PTPN23: variants seen among roughly 807,000 people sequenced by gnomAD.
PTPN23 encodes tyrosine-protein phosphatase non-receptor type 23.
In PTPN23, 72 loss-of-function variants were observed where a neutral mutation model predicts 156.3. The ratio of observed to expected loss-of-function variants is 0.46; its 90% CI spans 0.38 to 0.56. The LOEUF (loss-of-function observed/expected upper bound fraction) is 0.56, where lower values mean the gene tolerates loss of function less well. Ranked by LOEUF, PTPN23 falls within the 20% of genes least tolerant of loss-of-function variation. The pLI, the probability that PTPN23 is intolerant of heterozygous loss-of-function variation, is 0.00. For synonymous variants in PTPN23, 957 were observed against 899.6 expected, an observed-to-expected ratio of 1.06 and a Z score of -1.14; for missense variants, 1,974 against 2,171.5, an observed-to-expected ratio of 0.91 and a Z score of 1.81.
intron 1 of PTPN23, among the ~76,000 whole-genome samples, chr3:47,384,455 CAAA>C (rs56896052): frequency 5.1e-5 from 4 of 78,452 alleles, no homozygotes; most frequent in African/African-American, 2.0e-4. Context: ...GAGACTGTCT[CAAA>C]AAAAAAAAAA....
At chr3:47,390,597 C>T (rs1452643067) in intron 1 of PTPN23, among the ~76,000 whole-genome samples, 1 of 152,176 alleles carries the variant, frequency 6.6e-6, no homozygotes, top group Non-Finnish European at 1.5e-5. Flanking sequence ...AGTCCCAGAC[C>T]ATAGCGAAAT....
intron 1 of PTPN23, among the ~76,000 whole-genome samples, chr3:47,381,857 G>T (rs1164956387): frequency 6.6e-6 from 1 of 152,204 alleles, no homozygotes; most frequent in East Asian, 1.9e-4. Context: ...TTACTGTGTT[G>T]GAAGAACAGA....
Position 47,404,881 on chromosome 3 carries a change from A to G in PTPN23, c.287+102A>G, listed in dbSNP as rs184807039. 3.7e-4 allele frequency: 574 copies of G among 1,572,518 alleles called. 3 individuals carry two copies. In the African/African-American group the frequency reaches 6.7e-3, roughly 18 times the overall value. ...TTCTCCTTGCTGCATAGGATGGGGA[A>G]TGGCCTCATATGGTCCCCCCAGGCC... On this transcript the variant is annotated intron_variant, in intron 3 of 24. Coordinates refer to ENST00000265562, the MANE Select transcript of PTPN23 (RefSeq NM_015466.4).
rs773281554 is a variant in PTPN23, at chr3:47,408,448, G to A, written c.1288G>A (p.Val430Ile). 10 of 1,614,138 alleles carry A rather than the reference G, an allele frequency of 6.2e-6. No homozygotes were observed. The highest frequency in any genetic ancestry group is 1.1e-5 in the South Asian group (1 of 91,074). ...QLMEKCAALS[V>I]RPDTVRNLVQ... ...CATGGAGAAGTGCGCGGCTCTCAGC[G>A]TCCGGCCCGACACTGTCAGGAACCT... Residue 430 changes from valine (V) to isoleucine (I), a missense_variant, in exon 15 of 25, where the codon GTC becomes ATC. This residue lies in a region of PTPN23 where 726 missense variants were observed against 929.5 expected (regional missense o/e 0.78). Transcript: ENST00000265562.
At position 47,410,359 on chromosome 3, in the gene PTPN23, C is replaced by T. The variant is rs1450874837; in HGVS notation, c.2561C>T (p.Ala854Val). ...VSSPYVGVGP[A>V]PPVAGLPSAP... ...AGTCCCTATGTGGGGGTAGGGCCGG[C>T]CCCACCAGTTGCAGGTCTCCCCTCG... The change falls in exon 20 of 25, where the codon GCC becomes GTC. Residue 854 changes from alanine to valine, a missense_variant. Physicochemically the swap from Ala to Val is moderately conservative, Grantham distance 64. Coordinates refer to ENST00000265562, the MANE Select transcript of PTPN23 (RefSeq NM_015466.4). 1 of 1,609,354 alleles carries T rather than the reference C, an allele frequency of 6.2e-7. No homozygotes were observed. Among genetic ancestry groups the T allele is most frequent in the African/African-American group, 1.3e-5 (1 of 74,804 alleles).
chr3:47,405,221 G>A lies in PTPN23; in HGVS notation c.364+140G>A. ...CCGCCCCTCCACTGACCTCCCCACA[G>A]CCCTGCCAGCTCCTCCACTGTTTTC... On this transcript the variant is annotated intron_variant, in intron 4 of 24. Transcript: ENST00000265562. The surrounding 1 kb of genome is among the most constrained non-coding windows in gnomAD (Gnocchi z 4.7). 2.7e-6 allele frequency: 2 copies of A among 737,370 alleles called. No homozygotes were observed. Among genetic ancestry groups the A allele is most frequent in the South Asian group, 1.7e-5 (1 of 60,544 alleles). 45.7% of individuals were successfully genotyped at this position (737,370 alleles called of 1,614,324 possible).
In PTPN23 at chr3:47,411,252, C is replaced by A; in HGVS notation, c.3454C>A (p.Arg1152Ser). 6.2e-7 allele frequency: 1 copy of A among 1,608,728 alleles called. No individual in the cohort carries two copies. Among genetic ancestry groups the A allele is most frequent in the Non-Finnish European group, 8.5e-7 (1 of 1,179,696 alleles). The part of the protein sequence containing the change: ...QPTKVDAAEG[R>S]RPQALRLIER... ...CACCAAGGTGGATGCAGCTGAGGGT[C>A]GTCGGCCGCAGGCCCTGCGGCTGAT... Residue 1152 changes from arginine (R) to serine (S), a missense_variant, in exon 20 of 25, where the codon CGT becomes AGT. Physicochemically the swap from Arg to Ser is moderately radical, Grantham distance 110. Coordinates refer to ENST00000265562, the MANE Select transcript of PTPN23 (RefSeq NM_015466.4). This position sits in a 1 kb window ranked among gnomAD's most constrained non-coding sequence, Gnocchi z 6.3.
At chr3:47,387,335 G>A (rs1048728877) in intron 1 of PTPN23, among the ~76,000 whole-genome samples, 1 of 151,470 alleles carries the variant, frequency 6.6e-6, no homozygotes, top group Non-Finnish European at 1.5e-5. Flanking sequence ...GGGAGGCCAA[G>A]GCAGGAGGAT....
At chr3:47,392,908 A>G (rs1704804041) in intron 1 of PTPN23, among the ~76,000 whole-genome samples, 1 of 152,168 alleles carries the variant, frequency 6.6e-6, no homozygotes, top group South Asian at 2.1e-4. Flanking sequence ...TTTGTTGCCC[A>G]GGCTGGACTT....
At chr3:47,388,827 G>A (rs985084638) in intron 1 of PTPN23, among the ~76,000 whole-genome samples, 1 of 151,958 alleles carries the variant, frequency 6.6e-6, no homozygotes, top group East Asian at 1.9e-4. Flanking sequence ...ATCATGTCCA[G>A]CTAATTTTTG....
rs771208334 is a variant in PTPN23 at position 47,381,131 on chromosome 3, T to A, written c.35T>A (p.Leu12Gln). 6.3e-6 allele frequency: 10 copies of A among 1,591,260 alleles called. No homozygotes were observed. Among genetic ancestry groups the A allele is most frequent in the Admixed American group, 1.8e-5 (1 of 57,002 alleles). ...GTGCCCCGCATGCCCATGATCTGGC[T>A]GGACCTGAAGGAGGCCGGTGACTTT... The part of the protein sequence containing the change: ...EAVPRMPMIW[L>Q]DLKEAGDFHF... Residue 12 changes from leucine to glutamine, a missense_variant, in exon 1 of 25, where the codon CTG becomes CAG. Leu to Gln is a moderately radical substitution (Grantham distance 113). This residue lies in a region of PTPN23 where 726 missense variants were observed against 929.5 expected (regional missense o/e 0.78). Coordinates refer to ENST00000265562, the MANE Select transcript of PTPN23 (RefSeq NM_015466.4).
chr3:47,389,376 C>T (rs946714701), intron 1 of PTPN23, among the ~76,000 whole-genome samples: 1 of 152,056 alleles, frequency 6.6e-6, no homozygotes, highest in Non-Finnish European at 1.5e-5. Flanking sequence ...TTTGGGATGC[C>T]GAGGTGGGAG....
chr3:47,390,410 C>T (rs1209452866), intron 1 of PTPN23, among the ~76,000 whole-genome samples: 2 of 152,172 alleles, frequency 1.3e-5, no homozygotes, highest in Non-Finnish European at 2.9e-5. Flanking sequence ...AAAGGATCCC[C>T]AGCTACTTCA....
Position 47,413,260 on chromosome 3 carries a change from T to C in PTPN23, c.*75T>C. On this transcript the variant is annotated 3_prime_UTR_variant, in exon 25 of 25. Coordinates refer to ENST00000265562, the MANE Select transcript of PTPN23 (RefSeq NM_015466.4). Reference sequence around the variant, plus strand: ...CCACCTGCCCACACCCAGCAGAGCTTCTCAGTGGGCACAGTCTCTTACTCC... The same window carrying C: ...CCACCTGCCCACACCCAGCAGAGCTCCTCAGTGGGCACAGTCTCTTACTCC... The C allele has an allele frequency of 6.6e-7, 1 of 1,525,738 alleles. No homozygotes were observed. The highest frequency in any genetic ancestry group is 8.9e-7 in the Non-Finnish European group (1 of 1,127,396). 94.5% of individuals were successfully genotyped at this position (1,525,738 alleles called of 1,614,324 possible).
chr3:47,396,121 T>A, intron 1 of PTPN23, 22 bp from the exon 2 acceptor site: 1 of 1,604,566 alleles, frequency 6.2e-7, no homozygotes, highest in East Asian at 2.2e-5. Context: ...TGCCACTGGC[T>A]TATGTTCTTC....
Position 47,410,408 on chromosome 3 carries a change from C to A in PTPN23, c.2610C>A (p.Gly870=). Reference sequence around the variant, plus strand: ...CGGCCCCACCTCCTCAATTCTCAGGCCCCGAGTTGGCCATGGCGGTTCGGC... The same window carrying A: ...CGGCCCCACCTCCTCAATTCTCAGGACCCGAGTTGGCCATGGCGGTTCGGC... ...LPSAPPPQFS[G]PELAMAVRPA... Residue 870 remains glycine (G), a synonymous_variant, in exon 20 of 25, where the codon GGC becomes GGA. Coordinates refer to ENST00000265562, the MANE Select transcript of PTPN23 (RefSeq NM_015466.4). 1 of 1,612,114 alleles carries A rather than the reference C, an allele frequency of 6.2e-7. No homozygotes were observed. The highest frequency in any genetic ancestry group is 8.5e-7 in the Non-Finnish European group (1 of 1,179,392).
chr3:47,396,703 C>T lies in PTPN23; in HGVS notation c.159+486C>T, dbSNP rs142277340. Among the ~76,000 whole-genome samples, 107 of 152,116 alleles carry T rather than the reference C, an allele frequency of 7.0e-4. 1 individual carries two copies. The highest frequency in any genetic ancestry group is 4.7e-4 in the Non-Finnish European group (32 of 67,982). ...GCCAAGGCAGGAGGATTGGTTCCTC[C>T]TGGAGTTCAGGCCCAGGAGTTTGAG... On this transcript the variant is annotated intron_variant, in intron 2 of 24. Transcript: ENST00000265562.
At position 47,411,899 on chromosome 3, in the gene PTPN23, C is replaced by A; in HGVS notation, c.4005C>A (p.Ser1335Arg). 6.2e-7 allele frequency: 1 copy of A among 1,613,480 alleles called. No individual in the cohort carries two copies. Among genetic ancestry groups the A allele is most frequent in the East Asian group, 2.2e-5 (1 of 44,880 alleles). ...STETHVERVL[S>R]LQFRDQSLKR... ...AAACCCATGTGGAGCGCGTGCTGAG[C>A]CTGCAGTTCCGAGACCAGAGCCTCA... Residue 1335 changes from serine to arginine, a missense_variant, in exon 21 of 25, where the codon AGC (serine) becomes AGA (arginine). This residue lies in a region of PTPN23 where 484 missense variants were observed against 516.0 expected (regional missense o/e 0.94). Coordinates refer to ENST00000265562, the MANE Select transcript of PTPN23 (RefSeq NM_015466.4). The surrounding 1 kb of genome is among the most constrained non-coding windows in gnomAD (Gnocchi z 6.3).
Position 47,408,448 on chromosome 3 carries a change from G to T in PTPN23, c.1288G>T (p.Val430Phe), listed in dbSNP as rs773281554. 2 of 1,614,138 alleles carry T rather than the reference G, an allele frequency of 1.2e-6. No homozygotes were observed. The highest frequency in any genetic ancestry group is 1.7e-6 in the Non-Finnish European group (2 of 1,180,006). ...QLMEKCAALS[V>F]RPDTVRNLVQ... ...CATGGAGAAGTGCGCGGCTCTCAGC[G>T]TCCGGCCCGACACTGTCAGGAACCT... The change falls in exon 15 of 25, where the codon GTC becomes TTC. Residue 430 changes from valine to phenylalanine, a missense_variant. By Grantham distance (50) the Val-to-Phe change is conservative (BLOSUM62 -1). Transcript: ENST00000265562.
Sources: allele counts gnomAD v4.1 joint callset (sites outside exome capture counted in the v4.1 genomes callset), GRCh38; gene constraint gnomAD v4.1.1; regional missense constraint gnomAD v4.1.1; non-coding constraint Gnocchi (gnomAD v3.1); transcripts MANE v1.5; gene names NCBI Gene and HGNC (gene_info 2026-07-23, HGNC 2026-07-21).